The following TENM4 variants were observed in gnomAD, a reference collection of about 807,000 sequenced individuals.
The protein encoded by TENM4 is teneurin-4.
TENM4 carries 82 observed loss-of-function variants against 243.3 expected under a neutral mutation model. The observed-to-expected ratio is 0.34, with a 90% confidence interval of 0.28 to 0.40. The LOEUF (loss-of-function observed/expected upper bound fraction) is 0.40, where lower values mean the gene tolerates loss of function less well. Ranked by LOEUF, TENM4 falls within the 10% of genes least tolerant of loss-of-function variation. The probability of loss-of-function intolerance (pLI) is 1.00; values close to 1 mark genes in which losing one functional copy is unlikely to be tolerated. For missense variants in TENM4, 3,138 were observed against 3,673.3 expected (o/e 0.85, Z 3.77); for synonymous variants, 1,412 against 1,456.3 (o/e 0.97, Z 0.69).
chr11:78,854,612 G>C (rs1286915940), intron 11 of TENM4, among the ~76,000 whole-genome samples: 1 of 152,114 alleles, frequency 6.6e-6, no homozygotes, highest in African/African-American at 2.4e-5. Context: ...GGCTGAGTCT[G>C]TACCAGGACA....
At chr11:79,105,835 G>A (rs1209955083) in intron 4 of TENM4, among the ~76,000 whole-genome samples, 2 of 152,234 alleles carry the variant, frequency 1.3e-5, no homozygotes, top group Non-Finnish European at 2.9e-5. Flanking sequence ...GAGAGAACCA[G>A]CTTATGCCGG....
intron 6 of TENM4, among the ~76,000 whole-genome samples, chr11:79,018,639 C>T (rs1858841526): frequency 6.6e-6 from 1 of 152,052 alleles, no homozygotes; most frequent in East Asian, 1.9e-4. Flanking sequence ...AGAGAGATTA[C>T]TCAGAAGAGG....
chr11:79,142,788 T>A (rs904099640), intron 4 of TENM4, among the ~76,000 whole-genome samples: 1 of 151,944 alleles, frequency 6.6e-6, no homozygotes, highest in Non-Finnish European at 1.5e-5. Flanking sequence ...AACAGACACA[T>A]AGACCAATGG....
At chr11:79,098,765 C>T (rs557217071) in intron 4 of TENM4, among the ~76,000 whole-genome samples, 274 of 152,294 alleles carry the variant, frequency 1.8e-3, no homozygotes, top group African/African-American at 6.4e-3. Context: ...TGAGTCCTAC[C>T]TCATAGCCAT....
At chr11:79,184,251 G>C (rs914242294) in intron 3 of TENM4, among the ~76,000 whole-genome samples, 7 of 152,166 alleles carry the variant, frequency 4.6e-5, no homozygotes, top group Admixed American at 3.9e-4. Flanking sequence ...ACCAGGGACT[G>C]GTTTCATGGA....
chr11:79,204,265 A>C (rs1399708259), intron 3 of TENM4, among the ~76,000 whole-genome samples: 4 of 152,232 alleles, frequency 2.6e-5, no homozygotes, highest in Non-Finnish European at 5.9e-5. Context: ...GACTGTATGT[A>C]TATGTCAATT....
chr11:79,313,048 T>G (rs1470201862), intron 1 of TENM4, among the ~76,000 whole-genome samples: 1 of 152,170 alleles, frequency 6.6e-6, no homozygotes, highest in Non-Finnish European at 1.5e-5. Context: ...AGCTTGTCTG[T>G]CTGGTGATGC....
At position 78,854,034 on chromosome 11, in the gene TENM4, A is replaced by T. The variant is rs535171733; in HGVS notation, c.1681+70T>A. 5.3e-5 allele frequency: 76 copies of T among 1,437,666 alleles called. No homozygotes were observed. In the South Asian group the frequency reaches 9.8e-4, roughly 18 times the overall value. 89.1% of individuals were successfully genotyped at this position (1,437,666 alleles called of 1,614,324 possible). On this transcript the variant is annotated intron_variant, in intron 12 of 33. Coordinates refer to ENST00000278550, the MANE Select transcript of TENM4 (RefSeq NM_001098816.3). Reference sequence around the variant, plus strand: ...ACATCCCCTTGTCAGTGTCAGTCCCAGAATCTCCATGCAGCCTCCGACCAA... The same window carrying T: ...ACATCCCCTTGTCAGTGTCAGTCCCTGAATCTCCATGCAGCCTCCGACCAA...
chr11:79,276,821 C>T (rs1334943422), intron 2 of TENM4, among the ~76,000 whole-genome samples: 3 of 152,154 alleles, frequency 2.0e-5, no homozygotes, highest in African/African-American at 7.2e-5. Flanking sequence ...CCACCCACAT[C>T]CTGGGGAGAA....
chr11:79,254,726 C>T lies in TENM4; in HGVS notation c.-264-38817G>A, dbSNP rs41498744. 4.8e-3 allele frequency among the ~76,000 whole-genome samples: 724 copies of T among 152,224 alleles called. 8 individuals carry two copies. Among genetic ancestry groups the T allele is most frequent in the African/African-American group, 0.017 (694 of 41,522 alleles). On this transcript the variant is annotated intron_variant, in intron 2 of 33. Transcript: ENST00000278550. ...TTAATATTATATAATGTGTTCAATG[C>T]CACGCTGGTGAGGTGAGAGTGGAGG...
At chr11:78,798,241 C>G (rs1418135588) in intron 15 of TENM4, among the ~76,000 whole-genome samples, 1 of 152,156 alleles carries the variant, frequency 6.6e-6, no homozygotes, top group African/African-American at 2.4e-5. Flanking sequence ...TTATTTTAAC[C>G]CGGTTGCTAC....
chr11:79,170,498 G>T (rs562645121), intron 3 of TENM4, among the ~76,000 whole-genome samples: 2 of 152,312 alleles, frequency 1.3e-5, no homozygotes, highest in African/African-American at 4.8e-5. Context: ...TTAGGATGAG[G>T]TTATACTGAA....
intron 2 of TENM4, among the ~76,000 whole-genome samples, chr11:79,238,122 T>A (rs1310692920): frequency 6.6e-6 from 1 of 152,176 alleles, no homozygotes; most frequent in African/African-American, 2.4e-5. Flanking sequence ...CCCCGCAGAT[T>A]AATATGCACT....
At chr11:79,408,582 A>G (rs1858622685) in intron 1 of TENM4, among the ~76,000 whole-genome samples, 1 of 152,192 alleles carries the variant, frequency 6.6e-6, no homozygotes, top group South Asian at 2.1e-4. Flanking sequence ...TATTCAACAC[A>G]CTGGCTTTGT....
chr11:79,206,314 G>T (rs1863849225), intron 3 of TENM4, among the ~76,000 whole-genome samples: 1 of 152,204 alleles, frequency 6.6e-6, no homozygotes, highest in African/African-American at 2.4e-5. Context: ...GCAGGAAAGT[G>T]GCTGCCTGAA....
chr11:79,340,724 A>G (rs1857227954), intron 1 of TENM4, among the ~76,000 whole-genome samples: 2 of 152,098 alleles, frequency 1.3e-5, no homozygotes, highest in African/African-American at 4.8e-5. Context: ...CCATTCCTGC[A>G]CATCCATCTG....
intron 6 of TENM4, among the ~76,000 whole-genome samples, chr11:79,017,635 G>A (rs1001293106): frequency 3.9e-5 from 6 of 152,126 alleles, no homozygotes; most frequent in Non-Finnish European, 8.8e-5. Flanking sequence ...ACTTTATGTT[G>A]TTTAACTTTT....
intron 2 of TENM4, among the ~76,000 whole-genome samples, chr11:79,246,307 C>T (rs180753844): frequency 6.6e-6 from 1 of 152,236 alleles, no homozygotes; most frequent in Admixed American, 6.5e-5. Context: ...CTAGACCAGA[C>T]TGGCAGAGTT....
intron 6 of TENM4, among the ~76,000 whole-genome samples, chr11:78,907,752 T>C (rs1325578805): frequency 1.3e-5 from 2 of 152,210 alleles, no homozygotes; most frequent in African/African-American, 2.4e-5. Flanking sequence ...ACTCAGGTAG[T>C]TGGGCTTTTT....
Sources: allele counts gnomAD v4.1 joint callset (sites outside exome capture counted in the v4.1 genomes callset), GRCh38; gene constraint gnomAD v4.1.1; transcripts MANE v1.5; gene names NCBI Gene and HGNC (gene_info 2026-07-23, HGNC 2026-07-21).